TCF4: variants seen among roughly 807,000 people sequenced by gnomAD.
The protein encoded by TCF4 is transcription factor 4, also known as SL3-3 enhancer factor 2.
Under a neutral mutation model 82.1 loss-of-function variants are expected in TCF4, and 3 were observed. The observed-to-expected ratio is 0.04, with a 90% confidence interval of 0.02 to 0.09. The LOEUF is 0.09. Among genes scored for constraint, TCF4 ranks in the 10% least tolerant of loss-of-function variants. The pLI is 1.00. For synonymous variants in TCF4, 276 were observed against 309.6 expected (o/e 0.89, Z 1.14); for missense variants, 518 against 852.7 (o/e 0.61, Z 4.89).
intron 5 of TCF4, among the ~76,000 whole-genome samples, chr18:55,406,321 C>A (rs2094086711): frequency 6.6e-6 from 1 of 151,966 alleles, no homozygotes; most frequent in Admixed American, 6.6e-5. Flanking sequence ...GAGCCAGAAC[C>A]CCTGTTTGGG....
At chr18:55,344,454 C>T (rs2080718420) in intron 8 of TCF4, among the ~76,000 whole-genome samples, 1 of 152,106 alleles carries the variant, frequency 6.6e-6, no homozygotes, top group African/African-American at 2.4e-5. Flanking sequence ...TGGTTTCCTA[C>T]ACTTCTCAGT....
chr18:55,474,656 C>A (rs979372855), intron 3 of TCF4, among the ~76,000 whole-genome samples: 1 of 152,186 alleles, frequency 6.6e-6, no homozygotes, highest in Non-Finnish European at 1.5e-5. Flanking sequence ...GATATCCTAA[C>A]CCCACCTGGG....
chr18:55,358,250 T>C (rs1569171489), intron 6 of TCF4, among the ~76,000 whole-genome samples: 1 of 152,204 alleles, frequency 6.6e-6, no homozygotes, highest in Non-Finnish European at 1.5e-5. Context: ...CAAATCGAGG[T>C]CTTAAATAAC....
At chr18:55,312,172 G>GT (rs1283247316) in intron 8 of TCF4, among the ~76,000 whole-genome samples, 1 of 152,146 alleles carries the variant, frequency 6.6e-6, no homozygotes, top group Admixed American at 6.5e-5. Context: ...GTATAAATGT[G>GT]TTTAGGTTTT....
intron 3 of TCF4, among the ~76,000 whole-genome samples, chr18:55,484,582 G>A (rs894002390): frequency 6.6e-6 from 1 of 152,184 alleles, no homozygotes; most frequent in Non-Finnish European, 1.5e-5. Flanking sequence ...ATTGTGCATG[G>A]CAGTGGGGCC....
intron 5 of TCF4, among the ~76,000 whole-genome samples, chr18:55,453,905 G>GTGCAA: frequency 6.6e-6 from 1 of 151,812 alleles, no homozygotes; most frequent in East Asian, 1.9e-4. Flanking sequence ...CCAGGCTGGA[G>GTGCAA]TGCAAGTGCA....
At chr18:55,247,465 T>G (rs1008788050) in intron 15 of TCF4, among the ~76,000 whole-genome samples, 5 of 152,158 alleles carry the variant, frequency 3.3e-5, no homozygotes, top group African/African-American at 1.2e-4. Flanking sequence ...TTTCAGTTGA[T>G]TACAAATTGA....
At chr18:55,577,326 G>A (rs1603624197) in intron 3 of TCF4, among the ~76,000 whole-genome samples, 2 of 150,144 alleles carry the variant, frequency 1.3e-5, no homozygotes. Context: ...CTAGATAGAT[G>A]AAAAGCTGAC....
At chr18:55,380,663 C>T (rs532407324) in intron 6 of TCF4, among the ~76,000 whole-genome samples, 1 of 152,274 alleles carries the variant, frequency 6.6e-6, no homozygotes, top group Non-Finnish European at 1.5e-5. Context: ...ATGTCAGTTC[C>T]GTATCCTGCA....
intron 3 of TCF4, among the ~76,000 whole-genome samples, chr18:55,476,933 G>A (rs947986383): frequency 2.6e-5 from 4 of 152,188 alleles, no homozygotes; most frequent in Non-Finnish European, 5.9e-5. Context: ...GCATGTGTGT[G>A]CATGTGCCTG....
intron 3 of TCF4, among the ~76,000 whole-genome samples, chr18:55,507,710 G>A (rs2096778536): frequency 6.6e-6 from 1 of 152,182 alleles, no homozygotes; most frequent in Admixed American, 6.5e-5. Context: ...GACACACACA[G>A]AGGGAACCAC....
At chr18:55,428,821 A>T (rs1347240986) in intron 5 of TCF4, among the ~76,000 whole-genome samples, 1 of 152,180 alleles carries the variant, frequency 6.6e-6, no homozygotes, top group African/African-American at 2.4e-5. Context: ...CCTTAGTTGG[A>T]GCCTTATTGC....
At chr18:55,468,154 A>G (rs993005150) in intron 3 of TCF4, among the ~76,000 whole-genome samples, 1 of 152,222 alleles carries the variant, frequency 6.6e-6, no homozygotes, top group Non-Finnish European at 1.5e-5. Flanking sequence ...AGAAACACAT[A>G]CAACACAAAA....
chr18:55,397,587 T>C (rs2093574853), intron 6 of TCF4, among the ~76,000 whole-genome samples: 1 of 152,166 alleles, frequency 6.6e-6, no homozygotes, highest in Non-Finnish European at 1.5e-5. Flanking sequence ...AAAGAAATTA[T>C]AAAGAGACAT....
At chr18:55,308,458 G>T (rs1374052885) in intron 8 of TCF4, among the ~76,000 whole-genome samples, 2 of 152,162 alleles carry the variant, frequency 1.3e-5, no homozygotes, top group Non-Finnish European at 2.9e-5. Context: ...AAATTTGGCA[G>T]ACACCAGCTC....
At chr18:55,271,834 G>A (rs1409968619) in intron 10 of TCF4, among the ~76,000 whole-genome samples, 1 of 151,960 alleles carries the variant, frequency 6.6e-6, no homozygotes, top group Non-Finnish European at 1.5e-5. Flanking sequence ...ATAGAGGTAA[G>A]CACTATAACA....
At chr18:55,564,750 A>G (rs2097386939) in intron 3 of TCF4, among the ~76,000 whole-genome samples, 1 of 152,196 alleles carries the variant, frequency 6.6e-6, no homozygotes, top group African/African-American at 2.4e-5. Context: ...CTTGGAAACA[A>G]GAGATGACTT....
intron 3 of TCF4, among the ~76,000 whole-genome samples, chr18:55,529,563 A>G (rs1378962621): frequency 6.6e-6 from 1 of 152,186 alleles, no homozygotes. Context: ...TTTTAAATAA[A>G]AAGGAATGAT....
intron 6 of TCF4, among the ~76,000 whole-genome samples, chr18:55,362,420 A>T (rs2085634432): frequency 7.2e-6 from 1 of 139,582 alleles, no homozygotes; most frequent in Admixed American, 7.0e-5. Flanking sequence ...GAAGGAAGGA[A>T]GGAAGGAAGG....
Sources: gnomAD v4.1 joint callset for allele counts (sites outside exome capture counted in the v4.1 genomes callset) on GRCh38, gnomAD v4.1.1 for gene constraint, MANE v1.5 for transcripts, NCBI Gene and HGNC (gene_info 2026-07-23, HGNC 2026-07-21) for gene names.